The following CDH4 variants were observed in gnomAD, a reference collection of about 807,000 sequenced individuals.
CDH4 encodes cadherin-4.
Under a neutral mutation model 86.0 loss-of-function variants are expected in CDH4, and 33 were observed. The observed-to-expected ratio is 0.38, with a 90% CI of 0.29 to 0.51. CDH4 has a LOEUF of 0.51. Among genes scored for constraint, CDH4 ranks in the 20% least tolerant of loss-of-function variants. CDH4 has a pLI of 0.86. For synonymous variants in CDH4, 555 were observed against 549.4 expected, an observed-to-expected ratio of 1.01 and a Z score of -0.14; for missense variants, 1,114 against 1,307.4, an observed-to-expected ratio of 0.85 and a Z score of 2.28.
At chr20:61,382,768 T>C (rs955507622) in intron 2 of CDH4, among the ~76,000 whole-genome samples, 1 of 152,100 alleles carries the variant, frequency 6.6e-6, no homozygotes, top group African/African-American at 2.4e-5. Flanking sequence ...TTCTCCCTTC[T>C]TGAGAGGTCA....
At chr20:61,755,873 C>T (rs1238153383) in intron 3 of CDH4, among the ~76,000 whole-genome samples, 1 of 152,212 alleles carries the variant, frequency 6.6e-6, no homozygotes, top group Non-Finnish European at 1.5e-5. Context: ...GTTGCACACT[C>T]ACACTGATAC....
At chr20:61,787,699 C>G (rs902550038) in intron 4 of CDH4, among the ~76,000 whole-genome samples, 2 of 152,184 alleles carry the variant, frequency 1.3e-5, no homozygotes, top group Non-Finnish European at 2.9e-5. Flanking sequence ...GTCTGGGAAC[C>G]AGAGAATGTG....
intron 2 of CDH4, among the ~76,000 whole-genome samples, chr20:61,291,472 C>T (rs2084320561): frequency 6.6e-6 from 1 of 152,194 alleles, no homozygotes; most frequent in Admixed American, 6.5e-5. Context: ...CCCGGACAAG[C>T]TTCTCACCCT....
At chr20:61,302,652 T>C (rs2084392461) in intron 2 of CDH4, among the ~76,000 whole-genome samples, 1 of 152,144 alleles carries the variant, frequency 6.6e-6, no homozygotes, top group Non-Finnish European at 1.5e-5. Context: ...GAGGGATGGC[T>C]GCAGCATTTG....
In CDH4 at chr20:61,258,499, G is replaced by A. The variant is rs369235601; in HGVS notation, c.169+3562G>A. Among the ~76,000 whole-genome samples the A allele has an allele frequency of 7.5e-4, 114 of 152,196 alleles. 2 individuals carry two copies. Among genetic ancestry groups the A allele is most frequent in the African/African-American group, 2.6e-3 (110 of 41,518 alleles). Reference sequence around the variant, plus strand: ...CCTTACTGGAGAACTTACATTATCTGGCCAATCATCTCTCTTACTTAAACT... The same window carrying A: ...CCTTACTGGAGAACTTACATTATCTAGCCAATCATCTCTCTTACTTAAACT... On this transcript the variant is annotated intron_variant, in intron 2 of 15. Coordinates refer to ENST00000614565, the MANE Select transcript of CDH4 (RefSeq NM_001794.5).
chr20:61,666,337 T>A (rs1202057876), intron 2 of CDH4, among the ~76,000 whole-genome samples: 1 of 152,202 alleles, frequency 6.6e-6, no homozygotes, highest in Non-Finnish European at 1.5e-5. Context: ...GAAGAAAAGC[T>A]GCTAAGTGAA....
chr20:61,635,796 G>A (rs1206062443), intron 2 of CDH4, among the ~76,000 whole-genome samples: 3 of 152,172 alleles, frequency 2.0e-5, no homozygotes, highest in Non-Finnish European at 2.9e-5. Flanking sequence ...CCTGGTCCGC[G>A]CCTGCCCCCA....
intron 2 of CDH4, among the ~76,000 whole-genome samples, chr20:61,293,305 A>G (rs1038452584): frequency 6.6e-6 from 1 of 152,090 alleles, no homozygotes; most frequent in Non-Finnish European, 1.5e-5. Flanking sequence ...AGCTCCTGGG[A>G]CGGGTGGCAG....
rs1488203041 is a variant in CDH4 at position 61,811,835 on chromosome 20, T to A, written c.577-32833T>A. 1.3e-5 allele frequency among the ~76,000 whole-genome samples: 2 copies of A among 151,802 alleles called. No individual in the cohort carries two copies. The highest frequency in any genetic ancestry group is 1.5e-5 in the Non-Finnish European group (1 of 67,958). ...TACAGGCACACGTCACCATGCCCGG[T>A]TAATTTTTGTATTTTTAGTAGAGAT... On this transcript the variant is annotated intron_variant, in intron 4 of 15. Transcript: ENST00000614565. The surrounding 1 kb of genome is among the most constrained non-coding windows in gnomAD (Gnocchi z 4.4).
intron 4 of CDH4, among the ~76,000 whole-genome samples, chr20:61,819,693 T>C (rs1234828939): frequency 1.3e-5 from 2 of 152,242 alleles, no homozygotes; most frequent in Non-Finnish European, 2.9e-5. Context: ...ATGAAGGCTC[T>C]AAGCCCCCTG....
chr20:61,337,970 T>G (rs1451954984), intron 2 of CDH4, among the ~76,000 whole-genome samples: 1 of 152,110 alleles, frequency 6.6e-6, no homozygotes, highest in African/African-American at 2.4e-5. Flanking sequence ...ATTTACAGTT[T>G]TCTTATTAAC....
rs1162914618 is a variant in CDH4 at position 61,556,345 on chromosome 20, ATC to A, written c.170-187217_170-187216del. The stretch of plus-strand genomic sequence containing the variant: ...GCCTTTTATGATTCAGAAGAAAGAA[ATC>A]ATGGAGAGAGAGGCTCCGGGGGGCA... On this transcript the variant is annotated intron_variant, in intron 2 of 15. Transcript: ENST00000614565. 1.3e-3 allele frequency among the ~76,000 whole-genome samples: 205 copies of A among 152,208 alleles called. 2 individuals are homozygous for A. Among genetic ancestry groups the A allele is most frequent in the African/African-American group, 4.8e-3 (199 of 41,540 alleles).
intron 2 of CDH4, among the ~76,000 whole-genome samples, chr20:61,560,666 A>G (rs1600759107): frequency 6.6e-6 from 1 of 152,218 alleles, no homozygotes; most frequent in Non-Finnish European, 1.5e-5. Flanking sequence ...GCCTGAGTCC[A>G]CAGAGGCCTT....
At chr20:61,660,053 AG>A (rs151161869) in intron 2 of CDH4, among the ~76,000 whole-genome samples, 32,001 of 152,122 alleles carry the variant, frequency 0.21, 4,360 homozygotes, top group Non-Finnish European at 0.3. Context: ...CCAAGGGGGC[AG>A]CTCCTCGGGG....
intron 2 of CDH4, among the ~76,000 whole-genome samples, chr20:61,272,142 G>A (rs990448859): frequency 3.3e-5 from 5 of 152,168 alleles, no homozygotes; most frequent in African/African-American, 1.2e-4. Context: ...TGGCAGCCCC[G>A]AGGCTGCAGC....
intron 3 of CDH4, 40 bp downstream of exon 3, chr20:61,743,829 G>A: frequency 1.4e-6 from 2 of 1,453,074 alleles, no homozygotes; most frequent in Non-Finnish European, 1.9e-6. Flanking sequence ...GAGTTTAGAT[G>A]ACCTAGTTCC....
chr20:61,327,257 T>G (rs2084541767), intron 2 of CDH4, among the ~76,000 whole-genome samples: 1 of 152,236 alleles, frequency 6.6e-6, no homozygotes, highest in Non-Finnish European at 1.5e-5. Context: ...ACACACAATT[T>G]CATTTTTATA....
chr20:61,841,505 G>A (rs1444424939), intron 4 of CDH4, among the ~76,000 whole-genome samples: 2 of 152,318 alleles, frequency 1.3e-5, no homozygotes, highest in South Asian at 2.1e-4. Flanking sequence ...CAGGAATAAC[G>A]TTGCTGGTGG....
chr20:61,307,540 C>T (rs1021812185), intron 2 of CDH4, among the ~76,000 whole-genome samples: 11 of 152,244 alleles, frequency 7.2e-5, no homozygotes. Context: ...GAAAAGGTCA[C>T]TATAACCTGA....
Sources: allele counts gnomAD v4.1 joint callset (sites outside exome capture counted in the v4.1 genomes callset), GRCh38; gene constraint gnomAD v4.1.1; non-coding constraint Gnocchi (gnomAD v3.1); transcripts MANE v1.5; gene names NCBI Gene and HGNC (gene_info 2026-07-23, HGNC 2026-07-21).